KDM5A: variants seen among roughly 807,000 people sequenced by gnomAD.
KDM5A encodes the protein lysine-specific demethylase 5A.
KDM5A carries 42 observed loss-of-function variants against 193.5 expected under a neutral mutation model. That is an observed-to-expected ratio of 0.22 (90% confidence interval 0.17 to 0.28). The LOEUF (loss-of-function observed/expected upper bound fraction) is 0.28. Among genes scored for constraint, KDM5A ranks in the 10% least tolerant of loss-of-function variants. The pLI, the probability that KDM5A is intolerant of heterozygous loss-of-function variation, is 1.00. For missense variants in KDM5A, 1,692 were observed against 2,055.1 expected, an observed-to-expected ratio of 0.82 and a Z score of 3.42; for synonymous variants, 796 against 718.1, an observed-to-expected ratio of 1.11 and a Z score of -1.73.
intron 24 of KDM5A, among the ~76,000 whole-genome samples, chr12:299,089 T>C (rs564167089): frequency 6.6e-6 from 1 of 151,578 alleles, no homozygotes; most frequent in South Asian, 2.1e-4. Context: ...TGTACCTGTG[T>C]GATGGAAGAA....
chr12:352,095 C>T, intron 9 of KDM5A, 110 bp downstream of exon 9: 3 of 941,648 alleles, frequency 3.2e-6, no homozygotes, highest in Non-Finnish European at 4.6e-6. Flanking sequence ...CAAAGCAAGA[C>T]TCCGTCTCAA....
At chr12:380,814 A>C (rs1370906472) in intron 3 of KDM5A, among the ~76,000 whole-genome samples, 3 of 151,958 alleles carry the variant, frequency 2.0e-5, no homozygotes, top group Non-Finnish European at 4.4e-5. Context: ...TTTTTTTTTC[A>C]GACACAGTTT....
At position 281,735 on chromosome 12, in the gene KDM5A, A is replaced by AAACCCATCTTTT. The variant is rs1943155863; in HGVS notation, c.*3709_*3720dup. The AAACCCATCTTTT allele has an allele frequency of 1.3e-5, 3 of 235,546 alleles. No homozygotes were observed. The South Asian group carries it at 5.0e-4, about 39-fold the overall frequency. The allele number at this position is 235,546 out of a possible 1,614,324, so 14.6% of individuals were successfully genotyped here. A position where few individuals can be genotyped will look rare whatever the true frequency, so the allele number is the denominator to read the frequency against. ...TCACTTTTTCCCTTAAAAAGTGGAT[A>AAACCCATCTTTT]AACCCATCTTTTGAAAGACAGGTCT... is the stretch of plus-strand genomic sequence containing the variant. On this transcript the variant is annotated 3_prime_UTR_variant, in exon 28 of 28. Transcript: ENST00000399788.
At position 366,062 on chromosome 12, in the gene KDM5A, T is replaced by C; in HGVS notation, c.409A>G (p.Lys137Glu). 6.2e-7 allele frequency: 1 copy of C among 1,614,098 alleles called. No individual in the cohort carries two copies. Among genetic ancestry groups the C allele is most frequent in the Non-Finnish European group, 8.5e-7 (1 of 1,179,980 alleles). ...KGGFEMVTKE[K>E]KWSKVGSRLG... ...CGACTACCCACTTTAGACCATTTCT[T>C]CTCTTTGGTGACCATTTCAAAACCT... The change falls in exon 4 of 28, where the codon AAG becomes GAG. Residue 137 changes from lysine (K) to glutamate (E), a missense_variant. Coordinates refer to ENST00000399788, the MANE Select transcript of KDM5A (RefSeq NM_001042603.3).
intron 24 of KDM5A, 63 bp from the exon 25 acceptor site, chr12:297,263 C>T (rs1227156868): frequency 8.8e-6 from 13 of 1,480,332 alleles, no homozygotes; most frequent in Non-Finnish European, 1.2e-5. Flanking sequence ...TATGACAAGG[C>T]CCAAAATGGA....
At chr12:364,680 G>T (rs1480510554) in intron 4 of KDM5A, among the ~76,000 whole-genome samples, 12 of 150,204 alleles carry the variant, frequency 8.0e-5, no homozygotes, top group African/African-American at 2.9e-4. Flanking sequence ...AGCTACTCGG[G>T]AGGCTGAGGC....
At chr12:348,759 C>A (rs1197950027) in intron 10 of KDM5A, among the ~76,000 whole-genome samples, 1 of 150,002 alleles carries the variant, frequency 6.7e-6, no homozygotes, top group Non-Finnish European at 1.5e-5. Context: ...TGGGGCCTGT[C>A]AGGGGGTGGG....
chr12:367,480 T>C (rs1944372588), intron 3 of KDM5A, among the ~76,000 whole-genome samples: 2 of 152,150 alleles, frequency 1.3e-5, no homozygotes, highest in Admixed American at 1.3e-4. Flanking sequence ...GCAAATAGCC[T>C]GAGCTCAGGA....
In KDM5A at chr12:318,328, G is replaced by A. The variant is rs1943673842; in HGVS notation, c.2675C>T (p.Pro892Leu). The change falls in exon 19 of 28, where the codon CCA becomes CTA. Residue 892 changes from proline to leucine, a missense_variant. By Grantham distance (98) the Pro-to-Leu change is moderately conservative. Coordinates refer to ENST00000399788, the MANE Select transcript of KDM5A (RefSeq NM_001042603.3). ...CTGTTGTAGCTCTTGCTTCAGTCGT[G>A]GTAATTCAGGGAGTTCCACATAGAG... ...SSLYVELPEL[P>L]RLKQELQQAR... 1.2e-6 allele frequency: 2 copies of A among 1,614,088 alleles called. No homozygotes were observed. Among genetic ancestry groups the A allele is most frequent in the Non-Finnish European group, 1.7e-6 (2 of 1,180,010 alleles).
At chr12:378,849 C>A (rs906735515) in intron 3 of KDM5A, among the ~76,000 whole-genome samples, 1 of 151,358 alleles carries the variant, frequency 6.6e-6, no homozygotes, top group South Asian at 2.1e-4. Flanking sequence ...GTCCCAGCTA[C>A]GCGGGAGGCT....
At position 326,664 on chromosome 12, in the gene KDM5A, A is replaced by G. The variant is rs540964165; in HGVS notation, c.1968+2171T>C. 1.1e-4 allele frequency among the ~76,000 whole-genome samples: 16 copies of G among 152,264 alleles called. No homozygotes were observed. The South Asian group carries it at 3.1e-3, about 30-fold the overall frequency. ...ATCACGAGGTCAGGAGATCGAGACC[A>G]TCCTGGCTAACAAGGCAAAACCCCA... On this transcript the variant is annotated intron_variant, in intron 14 of 27. Coordinates refer to ENST00000399788, the MANE Select transcript of KDM5A (RefSeq NM_001042603.3).
intron 10 of KDM5A, among the ~76,000 whole-genome samples, chr12:347,548 C>G (rs1368272070): frequency 2.0e-5 from 3 of 152,196 alleles, no homozygotes; most frequent in African/African-American, 4.8e-5. Flanking sequence ...CAGCATGGTA[C>G]TGGTACCAAA....
chr12:384,371 G>GAGCACCT (rs887633554), intron 2 of KDM5A, among the ~76,000 whole-genome samples: 19 of 152,134 alleles, frequency 1.2e-4, no homozygotes, highest in Non-Finnish European at 2.6e-4. Context: ...TTTAGGTTGT[G>GAGCACCT]AGCACCTTTT....
In KDM5A at chr12:307,191, G is replaced by A; in HGVS notation, c.3931-102C>T. On this transcript the variant is annotated intron_variant, in intron 23 of 27. Transcript: ENST00000399788. This position sits in a 1 kb window ranked among gnomAD's most constrained non-coding sequence, Gnocchi z 4.3. ...CCAAAATGTAATGAATAAGCAAAGT[G>A]GCTAACAGAGTTCTTCAACAGTTAG... 2.9e-6 allele frequency: 4 copies of A among 1,358,972 alleles called. No homozygotes were observed. The highest frequency in any genetic ancestry group is 4.2e-6 in the Non-Finnish European group (4 of 959,558). The allele number at this position is 1,358,972 out of a possible 1,614,324, so 84.2% of individuals were successfully genotyped here.
intron 3 of KDM5A, among the ~76,000 whole-genome samples, chr12:375,918 G>A (rs1198813562): frequency 6.6e-6 from 1 of 152,218 alleles, no homozygotes; most frequent in Non-Finnish European, 1.5e-5. Context: ...AGCAAATATT[G>A]CTGCCTGATC....
intron 3 of KDM5A, among the ~76,000 whole-genome samples, chr12:372,210 A>G (rs894315529): frequency 6.6e-6 from 1 of 152,098 alleles, no homozygotes; most frequent in Non-Finnish European, 1.5e-5. Flanking sequence ...TTTTCACGAT[A>G]ATGATTCTTC....
At chr12:327,941 A>T (rs767732328) in intron 14 of KDM5A, among the ~76,000 whole-genome samples, 12 of 150,810 alleles carry the variant, frequency 8.0e-5, no homozygotes, top group Non-Finnish European at 1.5e-4. Context: ...TTGAGCCCAG[A>T]AGTTTGAGGC....
chr12:354,437 T>G (rs1433356167), intron 7 of KDM5A, among the ~76,000 whole-genome samples: 4 of 152,032 alleles, frequency 2.6e-5, no homozygotes, highest in African/African-American at 9.7e-5. Flanking sequence ...TACAAGCAAG[T>G]TAATAGCAAG....
chr12:326,112 GT>G (rs372760013), intron 14 of KDM5A, among the ~76,000 whole-genome samples: 1 of 152,200 alleles, frequency 6.6e-6, no homozygotes, highest in African/African-American at 2.4e-5. Context: ...AAGAAAAGTG[GT>G]TTGTGAAGGG....
Sources: gnomAD v4.1 joint callset for allele counts (sites outside exome capture counted in the v4.1 genomes callset) on GRCh38, gnomAD v4.1.1 for gene constraint, Gnocchi (gnomAD v3.1) non-coding constraint, MANE v1.5 for transcripts, NCBI Gene and HGNC (gene_info 2026-07-23, HGNC 2026-07-21) for gene names.